Variants in FRMPD1 observed in about 807,000 individuals in gnomAD.
FRMPD1 encodes the protein FERM and PDZ domain-containing protein 1.
In FRMPD1, 76 loss-of-function variants were observed where a neutral mutation model predicts 117.8. That is an observed-to-expected ratio of 0.65 (90% CI 0.54 to 0.78). FRMPD1 has a LOEUF of 0.78. Among genes scored for constraint, FRMPD1 ranks in the 30% least tolerant of loss-of-function variants. The probability of loss-of-function intolerance (pLI) is 0.00; values close to 1 mark genes in which losing one functional copy is unlikely to be tolerated. For synonymous variants in FRMPD1, 783 were observed against 770.4 expected, an observed-to-expected ratio of 1.02 and a Z score of -0.27; for missense variants, 1,786 against 1,964.5, an observed-to-expected ratio of 0.91 and a Z score of 1.72.
chr9:37,641,243 A>G, the FRMPD1 span, among the ~76,000 whole-genome samples: 1 of 152,228 alleles, frequency 6.6e-6, no homozygotes, highest in African/African-American at 2.4e-5. Context: ...CTAAAAAAGA[A>G]TGAAGGGAAA....
chr9:37,725,020 A>C (rs1451394072), intron 7 of FRMPD1, among the ~76,000 whole-genome samples: 1 of 152,238 alleles, frequency 6.6e-6, no homozygotes, highest in African/African-American at 2.4e-5. Context: ...CAGTAGGGAC[A>C]GGGCAGTTGA....
chr9:37,698,549 C>CTTTTTTTTTTTTTTTTTT (rs531498194), intron 2 of FRMPD1, among the ~76,000 whole-genome samples: 2 of 74,596 alleles, frequency 2.7e-5, no homozygotes, highest in Admixed American at 1.8e-4. Flanking sequence ...ATCTCATTAT[C>CTTTTTTTTTTTTTTTTTT]TTTTTTTTTT....
chr9:37,630,714 T>C, the FRMPD1 span, among the ~76,000 whole-genome samples: 61 of 152,296 alleles, frequency 4.0e-4, no homozygotes, highest in African/African-American at 1.5e-3. Flanking sequence ...AAAACTTTCT[T>C]ATGACCCCTG....
chr9:37,728,574 C>T (rs770450430), intron 7 of FRMPD1, among the ~76,000 whole-genome samples: 4 of 152,090 alleles, frequency 2.6e-5, no homozygotes, highest in African/African-American at 4.8e-5. Flanking sequence ...GATGCCTCAG[C>T]GCAGCATTCA....
At chr9:37,685,415 G>T (rs371373422) in intron 1 of FRMPD1, among the ~76,000 whole-genome samples, 5 of 152,084 alleles carry the variant, frequency 3.3e-5, no homozygotes, top group African/African-American at 9.7e-5. Context: ...AGGCCAAGGC[G>T]GGCGGATCAC....
chr9:37,663,553 C>G (rs559283617), intron 1 of FRMPD1, among the ~76,000 whole-genome samples: 26 of 152,274 alleles, frequency 1.7e-4, no homozygotes, highest in Non-Finnish European at 2.9e-4. Flanking sequence ...TTTGCTTACC[C>G]TCTCCACTGC....
At chr9:37,700,601 T>G (rs1273741746) in intron 2 of FRMPD1, among the ~76,000 whole-genome samples, 1 of 152,240 alleles carries the variant, frequency 6.6e-6, no homozygotes, top group Non-Finnish European at 1.5e-5. Context: ...AGCCAGAGAA[T>G]ATGTGAAGTG....
intron 3 of FRMPD1, 143 bp from the exon 4 acceptor site, chr9:37,708,256 T>C: frequency 1.6e-6 from 1 of 608,016 alleles, no homozygotes; most frequent in East Asian, 2.6e-5. Flanking sequence ...AAGATCCACA[T>C]GAGCCCAAGC....
intron 1 of FRMPD1, among the ~76,000 whole-genome samples, chr9:37,685,520 CG>C: frequency 6.6e-6 from 1 of 151,706 alleles, no homozygotes; most frequent in Non-Finnish European, 1.5e-5. Context: ...GGCGTGGTGG[CG>C]GGCGCCTGTA....
intron 6 of FRMPD1, 65 bp from the exon 7 acceptor site, chr9:37,724,160 A>G: frequency 1.2e-6 from 1 of 814,860 alleles, no homozygotes; most frequent in East Asian, 2.5e-5. Flanking sequence ...GGTGACAGAG[A>G]GAGACCCTGT....
chr9:37,631,711 C>T, the FRMPD1 span, among the ~76,000 whole-genome samples: 1 of 152,310 alleles, frequency 6.6e-6, no homozygotes, highest in African/African-American at 2.4e-5. Context: ...TCAAGCAATC[C>T]TCCTGCCTTA....
intron 2 of FRMPD1, among the ~76,000 whole-genome samples, chr9:37,695,195 A>G (rs572802651): frequency 1.3e-5 from 2 of 152,356 alleles, no homozygotes; most frequent in South Asian, 2.1e-4. Flanking sequence ...GTTGGGCCAC[A>G]TAACAACTCT....
At chr9:37,617,549 A>C in the FRMPD1 span, among the ~76,000 whole-genome samples, 1 of 152,234 alleles carries the variant, frequency 6.6e-6, no homozygotes, top group South Asian at 2.1e-4. Flanking sequence ...CACATAGTAA[A>C]TGCTCAGTAA....
At chr9:37,693,404 T>A (rs1237399442) in intron 2 of FRMPD1, 1 of 152,278 alleles carries the variant, frequency 6.6e-6, no homozygotes, top group Non-Finnish European at 1.5e-5. Flanking sequence ...ATATCACGTG[T>A]CAGGTGTTTC....
chr9:37,606,588 C>T, the FRMPD1 span, among the ~76,000 whole-genome samples: 170 of 152,308 alleles, frequency 1.1e-3, 1 homozygote, highest in South Asian at 0.033. Flanking sequence ...GGCACCACCA[C>T]GCTGAATATG....
At chr9:37,632,952 T>C in the FRMPD1 span, among the ~76,000 whole-genome samples, 18 of 147,616 alleles carry the variant, frequency 1.2e-4, no homozygotes, top group Non-Finnish European at 1.2e-4. Context: ...TATAAAAATA[T>C]ATACATATAT....
At chr9:37,702,121 A>C (rs1424741179) in intron 2 of FRMPD1, among the ~76,000 whole-genome samples, 3 of 152,228 alleles carry the variant, frequency 2.0e-5, no homozygotes, top group Non-Finnish European at 4.4e-5. Context: ...AGCAAACATA[A>C]AGGAAAATGA....
At chr9:37,729,905 A>G in intron 8 of FRMPD1, 52 bp downstream of exon 8, 2 of 1,588,340 alleles carry the variant, frequency 1.3e-6, no homozygotes, top group Non-Finnish European at 1.7e-6. Flanking sequence ...GGCTGGCTGC[A>G]TACCTCAGCC....
At chr9:37,646,879 C>T (rs1009630713), upstream of FRMPD1, among the ~76,000 whole-genome samples, 1 of 152,120 alleles carries the variant, frequency 6.6e-6, no homozygotes, top group East Asian at 1.9e-4. Context: ...GAGATTGATA[C>T]AGGTAAGGGG....
Sources: allele counts gnomAD v4.1 joint callset (sites outside exome capture counted in the v4.1 genomes callset), GRCh38; gene constraint gnomAD v4.1.1; transcripts MANE v1.5; gene names NCBI Gene and HGNC (gene_info 2026-07-23, HGNC 2026-07-21).